Variants in RCSD1 observed in about 807,000 individuals in gnomAD.
The protein encoded by RCSD1 is RCSD domain containing 1, also known as capZ-interacting protein.
A neutral mutation model predicts 42.5 loss-of-function variants in RCSD1; 26 were observed. The observed-to-expected ratio is 0.61, with a 90% confidence interval of 0.45 to 0.85. The LOEUF is 0.85. Among genes scored for constraint, RCSD1 ranks in the 40% least tolerant of loss-of-function variants. The pLI, the probability that RCSD1 is intolerant of heterozygous loss-of-function variation, is 0.00. For synonymous variants in RCSD1, 220 were observed against 212.2 expected (o/e 1.04, Z -0.32); for missense variants, 571 against 528.3 (o/e 1.08, Z -0.79).
intron 1 of RCSD1, among the ~76,000 whole-genome samples, chr1:167,666,214 A>G (rs1007456278): frequency 4.6e-5 from 7 of 152,140 alleles, no homozygotes; most frequent in African/African-American, 1.7e-4. Context: ...AAACCAACTG[A>G]GCATGGGTTC....
chr1:167,632,459 G>T (rs924389206), intron 1 of RCSD1, among the ~76,000 whole-genome samples: 18 of 152,198 alleles, frequency 1.2e-4, no homozygotes, highest in African/African-American at 4.1e-4. Flanking sequence ...GATGAGGAAG[G>T]AATAGTGTAT....
chr1:167,667,376 A>G (rs960214943), intron 1 of RCSD1, among the ~76,000 whole-genome samples: 1 of 152,252 alleles, frequency 6.6e-6, no homozygotes, highest in Non-Finnish European at 1.5e-5. Flanking sequence ...TACTATATTC[A>G]TAATATATTA....
chr1:167,688,181 A>C (rs1049135305), intron 3 of RCSD1, among the ~76,000 whole-genome samples: 1 of 152,174 alleles, frequency 6.6e-6, no homozygotes, highest in Non-Finnish European at 1.5e-5. Context: ...ATAGGGTTTT[A>C]TGGAGCATCA....
chr1:167,672,287 C>T (rs567429396), intron 1 of RCSD1, among the ~76,000 whole-genome samples: 7 of 152,342 alleles, frequency 4.6e-5, no homozygotes, highest in South Asian at 4.1e-4. Context: ...CAGAACACAT[C>T]GTGGGTGCTT....
chr1:167,695,182 G>T (rs1659469042), intron 5 of RCSD1, among the ~76,000 whole-genome samples: 1 of 152,262 alleles, frequency 6.6e-6, no homozygotes, highest in African/African-American at 2.4e-5. Context: ...CAGAGTGGAA[G>T]TCCCCCAGCC....
intron 1 of RCSD1, among the ~76,000 whole-genome samples, chr1:167,661,912 G>A (rs569997600): frequency 6.6e-6 from 1 of 152,316 alleles, no homozygotes; most frequent in Admixed American, 6.5e-5. Context: ...CTCACTATAA[G>A]GAGGACCCTT....
rs115363146 is a variant in RCSD1 at position 167,650,514 on chromosome 1, G to T, written c.6+20085G>T. Among the ~76,000 whole-genome samples the T allele has an allele frequency of 5.7e-3, 867 of 152,208 alleles. 6 individuals carry two copies. The highest frequency in any genetic ancestry group is 0.02 in the African/African-American group (821 of 41,544). On this transcript the variant is annotated intron_variant, in intron 1 of 6. Coordinates refer to ENST00000367854, the MANE Select transcript of RCSD1 (RefSeq NM_052862.4). ...GTAGGCAGGATTTCCTGACTCTCGA[G>T]TGTTTGGGTCCAGCTCTGGCCTGGT...
intron 3 of RCSD1, 24 bp from the exon 4 acceptor site, chr1:167,690,025 T>G (rs759466042): frequency 6.2e-7 from 1 of 1,613,172 alleles, no homozygotes; most frequent in South Asian, 1.1e-5. Context: ...CTTATCTGGT[T>G]GTTTTGGTTG....
intron 1 of RCSD1, among the ~76,000 whole-genome samples, chr1:167,641,030 T>C (rs549686681): frequency 1.3e-5 from 2 of 152,284 alleles, no homozygotes; most frequent in South Asian, 4.2e-4. Flanking sequence ...CCAAGGAATA[T>C]TTATTGACAC....
intron 1 of RCSD1, among the ~76,000 whole-genome samples, chr1:167,646,279 C>T (rs1403016395): frequency 2.0e-5 from 3 of 152,030 alleles, no homozygotes; most frequent in Non-Finnish European, 2.9e-5. Flanking sequence ...GGTGGTCATT[C>T]GCGCAGCAGT....
chr1:167,690,161 A>C lies in RCSD1; in HGVS notation c.270+41A>C, dbSNP rs1426941529. 2.5e-6 allele frequency: 4 copies of C among 1,591,282 alleles called. No homozygotes were observed. The Admixed American group carries it at 6.7e-5, about 27-fold the overall frequency. On this transcript the variant is annotated intron_variant, in intron 4 of 6. Transcript: ENST00000367854. ...ATTGTCTATTGCTACCTTTTATCTAACTCCACTTCTTATCCAAAATTTGCA... is the reference window on the plus strand; with the variant it reads ...ATTGTCTATTGCTACCTTTTATCTACCTCCACTTCTTATCCAAAATTTGCA...
chr1:167,660,396 C>A (rs1408033882), intron 1 of RCSD1, among the ~76,000 whole-genome samples: 2 of 152,184 alleles, frequency 1.3e-5, no homozygotes, highest in South Asian at 2.1e-4. Flanking sequence ...ACTTAACAAC[C>A]TGTGCTGCTC....
chr1:167,672,122 T>A (rs912740267), intron 1 of RCSD1, among the ~76,000 whole-genome samples: 2 of 152,154 alleles, frequency 1.3e-5, no homozygotes, highest in Admixed American at 6.5e-5. Context: ...GTGACCTCCC[T>A]TGCAGAGGTG....
intron 1 of RCSD1, among the ~76,000 whole-genome samples, chr1:167,643,239 C>A (rs1051065193): frequency 6.6e-6 from 1 of 152,170 alleles, no homozygotes; most frequent in East Asian, 1.9e-4. Context: ...AAAATTGTAA[C>A]AACCCTGAGC....
intron 1 of RCSD1, among the ~76,000 whole-genome samples, chr1:167,667,383 A>G (rs532468306): frequency 2.7e-4 from 41 of 152,370 alleles, no homozygotes; most frequent in African/African-American, 9.9e-4. Context: ...TTCATAATAT[A>G]TTAATTCTAC....
At chr1:167,683,872 T>A in intron 1 of RCSD1, 28 bp from the exon 2 acceptor site, 1 of 1,607,160 alleles carries the variant, frequency 6.2e-7, no homozygotes, top group Non-Finnish European at 8.5e-7. Context: ...ATTTGCTGAT[T>A]AACTGTTTCT....
intron 1 of RCSD1, among the ~76,000 whole-genome samples, chr1:167,665,650 A>C (rs1658639613): frequency 1.3e-5 from 2 of 152,194 alleles, no homozygotes; most frequent in Admixed American, 1.3e-4. Flanking sequence ...ATTTTAATTT[A>C]GCCATTCTTG....
intron 1 of RCSD1, among the ~76,000 whole-genome samples, chr1:167,631,298 G>A (rs1454667134): frequency 1.3e-5 from 2 of 152,196 alleles, no homozygotes; most frequent in Non-Finnish European, 2.9e-5. Flanking sequence ...GTAGCCCTAA[G>A]TCAATCTTAG....
At chr1:167,662,558 C>T (rs1468174608) in intron 1 of RCSD1, among the ~76,000 whole-genome samples, 2 of 152,196 alleles carry the variant, frequency 1.3e-5, no homozygotes, top group South Asian at 4.1e-4. Flanking sequence ...TGCTTGTGGA[C>T]ACCTCCTAGG....
Sources: gnomAD v4.1 joint callset for allele counts (sites outside exome capture counted in the v4.1 genomes callset) on GRCh38, gnomAD v4.1.1 for gene constraint, MANE v1.5 for transcripts, NCBI Gene and HGNC (gene_info 2026-07-23, HGNC 2026-07-21) for gene names.